HS3ST3B1: variants seen among roughly 807,000 people sequenced by gnomAD.
HS3ST3B1 encodes heparan sulfate-glucosamine 3-sulfotransferase 3B1, also known as heparan sulfate glucosamine 3-O-sulfotransferase 3B1.
In HS3ST3B1, 13 loss-of-function variants were observed where a neutral mutation model predicts 21.3. The observed-to-expected ratio is 0.61, with a 90% CI of 0.40 to 0.97. The LOEUF (loss-of-function observed/expected upper bound fraction) is 0.97. Ranked by LOEUF, HS3ST3B1 falls within the 50% of genes least tolerant of loss-of-function variation. The probability of loss-of-function intolerance (pLI) is 0.00; values close to 1 mark genes in which losing one functional copy is unlikely to be tolerated. For missense variants in HS3ST3B1, 459 were observed against 554.8 expected (o/e 0.83, Z 1.73); for synonymous variants, 234 against 254.8 (o/e 0.92, Z 0.78).
At chr17:14,344,146 C>T (rs369071560) in intron 1 of HS3ST3B1, among the ~76,000 whole-genome samples, 103 of 152,300 alleles carry the variant, frequency 6.8e-4, no homozygotes, top group African/African-American at 2.3e-3. Flanking sequence ...GTGATCCACC[C>T]GCCTCTGCCT....
rs1277383368 is a variant in HS3ST3B1, at chr17:14,348,763, A to C, written c.*3117A>C. On this transcript the variant is annotated 3_prime_UTR_variant, in exon 2 of 2. Coordinates refer to ENST00000360954, the MANE Select transcript of HS3ST3B1 (RefSeq NM_006041.3). ...TGTAAAAACAAACAAAAAGGTCAAC[A>C]AAAAAAAATTGAGGTTTTTCTTGTT... The C allele has an allele frequency of 1.4e-5, 2 of 147,762 alleles. No homozygotes were observed. The highest frequency in any genetic ancestry group is 5.3e-5 in the African/African-American group (2 of 37,740). The allele number at this position is 147,762 out of a possible 1,614,324, so 9.2% of individuals were successfully genotyped here.
intron 1 of HS3ST3B1, chr17:14,327,612 AC>A (rs1354848380): frequency 6.6e-6 from 1 of 152,074 alleles, no homozygotes; most frequent in Non-Finnish European, 1.5e-5. Context: ...TGGGACCATC[AC>A]CCTTTTGAAT....
At chr17:14,341,963 T>TG (rs904215640) in intron 1 of HS3ST3B1, among the ~76,000 whole-genome samples, 2 of 152,202 alleles carry the variant, frequency 1.3e-5, no homozygotes, top group African/African-American at 4.8e-5. Flanking sequence ...ATGGACAAAG[T>TG]GGGTCAATCC....
intron 1 of HS3ST3B1, among the ~76,000 whole-genome samples, chr17:14,329,694 T>A (rs893524372): frequency 6.6e-6 from 1 of 152,096 alleles, no homozygotes; most frequent in Admixed American, 6.5e-5. Context: ...GTCTCCAACA[T>A]CCTACAGGGG....
intron 1 of HS3ST3B1, among the ~76,000 whole-genome samples, chr17:14,339,831 T>A (rs796987422): frequency 6.6e-6 from 1 of 152,174 alleles, no homozygotes; most frequent in Non-Finnish European, 1.5e-5. Context: ...ACAGATTCCA[T>A]GTGAGGGGGT....
intron 1 of HS3ST3B1, 140 bp from the exon 2 acceptor site, chr17:14,344,888 A>G (rs1910501709): frequency 7.6e-7 from 1 of 1,316,758 alleles, no homozygotes; most frequent in South Asian, 1.6e-5. Context: ...TTTCAGCTCT[A>G]AAGTTCTACT....
Position 14,348,897 on chromosome 17 carries a change from A to T in HS3ST3B1, c.*3251A>T, listed in dbSNP as rs1910649868. ...ATAGTGACTGTTTAATAAATACTTA[A>T]TTGGATGATGGAGGAGGAGAAATTG... On this transcript the variant is annotated 3_prime_UTR_variant, in exon 2 of 2. Transcript: ENST00000360954. 1 of 152,222 alleles carries T rather than the reference A, an allele frequency of 6.6e-6. No homozygotes were observed. Among genetic ancestry groups the T allele is most frequent in the Non-Finnish European group, 1.5e-5 (1 of 68,044 alleles). The allele number at this position is 152,222 out of a possible 1,614,324, so 9.4% of individuals were successfully genotyped here.
chr17:14,327,019 G>A (rs544273297), intron 1 of HS3ST3B1, among the ~76,000 whole-genome samples: 52 of 150,458 alleles, frequency 3.5e-4, no homozygotes, highest in African/African-American at 1.2e-3. Flanking sequence ...TCTCATTTTC[G>A]AGTCAAGTGT....
At chr17:14,334,975 G>A (rs1173014146) in intron 1 of HS3ST3B1, among the ~76,000 whole-genome samples, 1 of 152,150 alleles carries the variant, frequency 6.6e-6, no homozygotes, top group African/African-American at 2.4e-5. Flanking sequence ...GGGGAGGGGG[G>A]AAATCTTGTA....
In HS3ST3B1 at chr17:14,301,452, G is replaced by C. The variant is rs898208739; in HGVS notation, c.-67G>C. 1 of 1,344,406 alleles carries C rather than the reference G, an allele frequency of 7.4e-7. No homozygotes were observed. The highest frequency in any genetic ancestry group is 1.5e-5 in the African/African-American group (1 of 65,084). 83.3% of individuals were successfully genotyped at this position (1,344,406 alleles called of 1,614,324 possible). The stretch of plus-strand genomic sequence containing the variant: ...CAGCGTGCCGGGGAACCCTCTCTGC[G>C]CTCACTGCCCGGCGGGACCCACGCC... On this transcript the variant is annotated 5_prime_UTR_variant, in exon 1 of 2. Transcript: ENST00000360954.
chr17:14,336,259 C>A (rs1220044455), intron 1 of HS3ST3B1, among the ~76,000 whole-genome samples: 1 of 152,142 alleles, frequency 6.6e-6, no homozygotes, highest in African/African-American at 2.4e-5. Flanking sequence ...TTAGGTTACG[C>A]CCATTTCAAT....
At chr17:14,329,527 AAAAG>A (rs1289074862) in intron 1 of HS3ST3B1, 1 of 151,488 alleles carries the variant, frequency 6.6e-6, no homozygotes, top group Non-Finnish European at 1.5e-5. Context: ...AGAAGAAAGA[AAAAG>A]AAAGGAAAAG....
At position 14,345,401 on chromosome 17, in the gene HS3ST3B1, C is replaced by A; in HGVS notation, c.928C>A (p.Arg310Ser). ...CAGCGACCCGGCCGGGGAGCTGGGCCGCGTGCAAGACTTCCTGGGCCTCAA... is the reference window on the plus strand; with the variant it reads ...CAGCGACCCGGCCGGGGAGCTGGGCAGCGTGCAAGACTTCCTGGGCCTCAA... ...LISDPAGELG[R>S]VQDFLGLKRI... The change falls in exon 2 of 2, where the codon CGC (arginine) becomes AGC (serine). Residue 310 changes from arginine (R) to serine (S), a missense_variant. Transcript: ENST00000360954. 8.1e-7 allele frequency: 1 copy of A among 1,228,832 alleles called. No individual in the cohort carries two copies. The highest frequency in any genetic ancestry group is 1.1e-6 in the Non-Finnish European group (1 of 869,842). 76.1% of individuals were successfully genotyped at this position (1,228,832 alleles called of 1,614,324 possible).
chr17:14,324,604 A>G (rs1909751336), intron 1 of HS3ST3B1, among the ~76,000 whole-genome samples: 1 of 151,646 alleles, frequency 6.6e-6, no homozygotes, highest in Non-Finnish European at 1.5e-5. Flanking sequence ...ATTTTTATCT[A>G]TCGTTTGTTT....
intron 1 of HS3ST3B1, among the ~76,000 whole-genome samples, chr17:14,340,569 G>A (rs1007149383): frequency 6.6e-6 from 1 of 152,058 alleles, no homozygotes; most frequent in Non-Finnish European, 1.5e-5. Flanking sequence ...TTTAACAAGC[G>A]TGATTAATTA....
chr17:14,317,163 A>G (rs1490409898), intron 1 of HS3ST3B1, among the ~76,000 whole-genome samples: 1 of 152,160 alleles, frequency 6.6e-6, no homozygotes, highest in African/African-American at 2.4e-5. Flanking sequence ...CTTCCTATAA[A>G]GTTACGTATC....
At chr17:14,323,494 G>A (rs1489823520) in intron 1 of HS3ST3B1, among the ~76,000 whole-genome samples, 1 of 152,248 alleles carries the variant, frequency 6.6e-6, no homozygotes, top group African/African-American at 2.4e-5. Flanking sequence ...ATAGTCATTT[G>A]GGGTACATTT....
intron 1 of HS3ST3B1, among the ~76,000 whole-genome samples, chr17:14,325,568 C>T (rs1038162693): frequency 2.0e-5 from 3 of 152,208 alleles, no homozygotes; most frequent in Non-Finnish European, 4.4e-5. Flanking sequence ...TAGAAAGTTG[C>T]AGAGTCTCTC....
chr17:14,335,721 A>G (rs936667513), intron 1 of HS3ST3B1, among the ~76,000 whole-genome samples: 1 of 152,048 alleles, frequency 6.6e-6, no homozygotes, highest in South Asian at 2.1e-4. Flanking sequence ...AAAAATTTCT[A>G]TGTCTCTATT....
Sources: allele counts gnomAD v4.1 joint callset (sites outside exome capture counted in the v4.1 genomes callset), GRCh38; gene constraint gnomAD v4.1.1; transcripts MANE v1.5; gene names NCBI Gene and HGNC (gene_info 2026-07-23, HGNC 2026-07-21).